Variants in FBRSL1 observed in about 807,000 individuals in gnomAD.
FBRSL1 encodes fibrosin-1-like protein.
FBRSL1 carries 51 observed loss-of-function variants against 89.6 expected under a neutral mutation model. That is an observed-to-expected ratio of 0.57 (90% CI 0.45 to 0.72). The LOEUF (loss-of-function observed/expected upper bound fraction) is 0.72. Ranked by LOEUF, FBRSL1 falls within the 30% of genes least tolerant of loss-of-function variation. The probability of loss-of-function intolerance (pLI) is 0.00; values close to 1 mark genes in which losing one functional copy is unlikely to be tolerated. For missense variants in FBRSL1, 1,618 were observed against 1,451.8 expected, an observed-to-expected ratio of 1.11 and a Z score of -1.86; for synonymous variants, 779 against 681.1, an observed-to-expected ratio of 1.14 and a Z score of -2.24.
intron 2 of FBRSL1, among the ~76,000 whole-genome samples, chr12:132,508,971 C>T (rs2034013007): frequency 6.6e-6 from 1 of 152,192 alleles, no homozygotes; most frequent in Non-Finnish European, 1.5e-5. Context: ...CCTGCAGCTG[C>T]TTCCTCCGCG....
chr12:132,547,922 G>A, intron 4 of FBRSL1, 81 bp from the exon 5 acceptor site: 3 of 1,494,918 alleles, frequency 2.0e-6, no homozygotes, highest in Non-Finnish European at 2.7e-6. Context: ...CCGTGCCCCT[G>A]CAGCCTGGCT....
rs1190902690 is a variant in FBRSL1, at chr12:132,583,508, C to T, written c.2739C>T (p.Ala913=). The change falls in exon 19 of 19, where the codon GCC becomes GCT. Residue 913 remains alanine (A), a synonymous_variant. Coordinates refer to ENST00000680143, the MANE Select transcript of FBRSL1 (RefSeq NM_001367871.1). The stretch of plus-strand genomic sequence containing the variant: ...CGCGGGCCCCGCACCTGCCGCCCGC[C>T]GCCCCCGCCTTGGACGGCGCGCTGC... ...ERARAPHLPP[A]APALDGALLP... 12 of 1,043,128 alleles carry T rather than the reference C, an allele frequency of 1.2e-5. No individual in the cohort carries two copies. Among genetic ancestry groups the T allele is most frequent in the South Asian group, 3.0e-5 (1 of 32,788 alleles). 64.6% of individuals were successfully genotyped at this position (1,043,128 alleles called of 1,614,324 possible). A position where few individuals can be genotyped will look rare whatever the true frequency, so the allele number is the denominator to read the frequency against.
chr12:132,564,856 G>C lies in FBRSL1; in HGVS notation c.646-2625G>C, dbSNP rs536386823. 4.4e-3 allele frequency among the ~76,000 whole-genome samples: 654 copies of C among 148,266 alleles called. 11 individuals carry two copies. The highest frequency in any genetic ancestry group is 0.014 in the African/African-American group (524 of 38,434). On this transcript the variant is annotated intron_variant, in intron 5 of 18. Coordinates refer to ENST00000680143, the MANE Select transcript of FBRSL1 (RefSeq NM_001367871.1). ...GTGTTGGCCAGGATGGTCTCGATCT[G>C]CTGACCTCGTGATCCGCCGGCCTCG...
At chr12:132,572,478 T>C (rs992590627) in intron 10 of FBRSL1, 49 bp from the exon 11 acceptor site, 96 of 1,498,262 alleles carry the variant, frequency 6.4e-5, no homozygotes, top group Non-Finnish European at 8.6e-5. Flanking sequence ...AGGCAGAGGG[T>C]GGGGTGAGGA....
chr12:132,492,820 G>A (rs1469806168), intron 1 of FBRSL1, among the ~76,000 whole-genome samples: 1 of 152,240 alleles, frequency 6.6e-6, no homozygotes, highest in Non-Finnish European at 1.5e-5. Flanking sequence ...GAGCCTGCCT[G>A]GGAAAGTACG....
intron 1 of FBRSL1, among the ~76,000 whole-genome samples, chr12:132,497,842 C>T (rs551725642): frequency 6.6e-6 from 1 of 152,316 alleles, no homozygotes; most frequent in East Asian, 1.9e-4. Flanking sequence ...GTAAGCAGCC[C>T]CCAGGTCCCT....
Position 132,583,158 on chromosome 12 carries a change from C to T in FBRSL1, c.2389C>T (p.Pro797Ser), listed in dbSNP as rs1389477582. 6.8e-7 allele frequency: 1 copy of T among 1,462,252 alleles called. No homozygotes were observed. The highest frequency in any genetic ancestry group is 1.3e-5 in the South Asian group (1 of 78,372). 90.6% of individuals were successfully genotyped at this position (1,462,252 alleles called of 1,614,324 possible). The change falls in exon 19 of 19, where the codon CCC becomes TCC. Residue 797 changes from proline (P) to serine (S), a missense_variant. Transcript: ENST00000680143. Reference sequence around the variant, plus strand: ...GGCCAAGGAGGAGGCCGCCAAGATGCCCGCGCGCGCATCCCCGCCCCACAG... The same window carrying T: ...GGCCAAGGAGGAGGCCGCCAAGATGTCCGCGCGCGCATCCCCGCCCCACAG... ...SPAKEEAAKMPARASPPHSKA... is the reference protein window; with the variant it reads ...SPAKEEAAKMSARASPPHSKA...
chr12:132,572,768 AGC>A, intron 11 of FBRSL1, 146 bp downstream of exon 11: 1 of 659,290 alleles, frequency 1.5e-6, no homozygotes, highest in Non-Finnish European at 2.6e-6. Context: ...TGGCGTGAGC[AGC>A]CCCTGCCAGG....
In FBRSL1 at chr12:132,490,390, G is replaced by C. The variant is rs2030635091; in HGVS notation, c.-181G>C. ...GGGGTCCCAGGCCGCGCCGGGCCCG[G>C]GGCTGAGCCGCCCCCCGCGCCCGGC... is the stretch of plus-strand genomic sequence containing the variant. On this transcript the variant is annotated 5_prime_UTR_variant, in exon 1 of 19. Coordinates refer to ENST00000680143, the MANE Select transcript of FBRSL1 (RefSeq NM_001367871.1). 1 of 224,804 alleles carries C rather than the reference G, an allele frequency of 4.4e-6. No homozygotes were observed. The highest frequency in any genetic ancestry group is 2.5e-5 in the African/African-American group (1 of 40,784). The allele number at this position is 224,804 out of a possible 1,614,324, so 13.9% of individuals were successfully genotyped here.
chr12:132,508,355 GCAGGTCC>G lies in FBRSL1; in HGVS notation c.489+7_489+13del, dbSNP rs776012484. On this transcript the variant is annotated splice_donor_region_variant and intron_variant, in intron 2 of 18. Coordinates refer to ENST00000680143, the MANE Select transcript of FBRSL1 (RefSeq NM_001367871.1). ...CCACTGCAGCCCTCCAAGCAGGTGA[GCAGGTCC>G]CTCCCCGACCGGAAGCTCTGCGGCG... 3.7e-5 allele frequency: 55 copies of G among 1,502,348 alleles called. No homozygotes were observed. Among genetic ancestry groups the G allele is most frequent in the Admixed American group, 1.1e-4 (5 of 45,392 alleles). 93.1% of individuals were successfully genotyped at this position (1,502,348 alleles called of 1,614,324 possible).
intron 1 of FBRSL1, 63 bp downstream of exon 1, chr12:132,490,924 C>T (rs1275579441): frequency 8.1e-6 from 9 of 1,108,584 alleles, no homozygotes; most frequent in Admixed American, 5.2e-5. Context: ...GTTGACGCGT[C>T]GGGCGATCCC....
rs1366059689 is a variant in FBRSL1, at chr12:132,583,678, G to C, written c.2909G>C (p.Gly970Ala). 12 of 1,132,456 alleles carry C rather than the reference G, an allele frequency of 1.1e-5. No homozygotes were observed. The African/African-American group carries it at 1.8e-4, about 17-fold the overall frequency. 70.2% of individuals were successfully genotyped at this position (1,132,456 alleles called of 1,614,324 possible). Residue 970 changes from glycine (G) to alanine (A), a missense_variant, in exon 19 of 19, where the codon GGG becomes GCG. Transcript: ENST00000680143. ...GCGGCCGGGCCCCCCACGCCCCCCG[G>C]GCCGCCGCGGAGCCGGACTACTCCG... ...VTAAGPPTPP[G>A]PPRSRTTPLG...
chr12:132,514,587 G>A (rs1187201017), intron 2 of FBRSL1, among the ~76,000 whole-genome samples: 1 of 152,156 alleles, frequency 6.6e-6, no homozygotes, highest in Non-Finnish European at 1.5e-5. Flanking sequence ...AAAGCTGTGG[G>A]GGGACTCCGA....
Position 132,494,371 on chromosome 12 carries a change from G to C in FBRSL1, c.291+3510G>C, listed in dbSNP as rs577304947. 4.6e-5 allele frequency among the ~76,000 whole-genome samples: 7 copies of C among 152,346 alleles called. No individual in the cohort carries two copies. The South Asian group carries it at 1.0e-3, about 23-fold the overall frequency. On this transcript the variant is annotated intron_variant, in intron 1 of 18. Transcript: ENST00000680143. Reference sequence around the variant, plus strand: ...GAGAGGTGTATCCAGGGCTGTGTCAGACCCCATCTTCCCACATAGCAAAGG... The same window carrying C: ...GAGAGGTGTATCCAGGGCTGTGTCACACCCCATCTTCCCACATAGCAAAGG...
intron 5 of FBRSL1, among the ~76,000 whole-genome samples, chr12:132,548,651 G>A (rs1282226857): frequency 2.0e-5 from 3 of 152,206 alleles, no homozygotes; most frequent in African/African-American, 4.8e-5. Context: ...GGGAGGAACC[G>A]TCACCTGCTG....
intron 2 of FBRSL1, chr12:132,511,937 A>G (rs1471922838): frequency 2.0e-6 from 2 of 984,220 alleles, no homozygotes; most frequent in East Asian, 1.1e-4. Flanking sequence ...GTGCCGTGCC[A>G]CTATTTTTTA....
Position 132,499,710 on chromosome 12 carries a change from G to A in FBRSL1, c.292-8443G>A, listed in dbSNP as rs1024995992. On this transcript the variant is annotated intron_variant, in intron 1 of 18. Transcript: ENST00000680143. The surrounding 1 kb of genome is among the most constrained non-coding windows in gnomAD (Gnocchi z 4.3). ...AGACAGCTGGGGGCTGTGGCTGGGGGGCTGCAGGGCTGGGGGGTGGGGCGC... is the reference window on the plus strand; with the variant it reads ...AGACAGCTGGGGGCTGTGGCTGGGGAGCTGCAGGGCTGGGGGGTGGGGCGC... Among the ~76,000 whole-genome samples the A allele has an allele frequency of 4.6e-5, 7 of 151,800 alleles. No homozygotes were observed. The highest frequency in any genetic ancestry group is 1.7e-4 in the African/African-American group (7 of 41,300).
chr12:132,509,051 C>T (rs2034025495), intron 2 of FBRSL1: 2 of 1,224,524 alleles, frequency 1.6e-6, no homozygotes, highest in East Asian at 3.2e-5. Flanking sequence ...TCCTCGGCCC[C>T]CTTGGGAATT....
At position 132,570,422 on chromosome 12, in the gene FBRSL1, G is replaced by C. The variant is rs1206141711; in HGVS notation, c.1095G>C (p.Leu365=). ...GCCCCCACCTGTCTACCTCACACCT[G>C]GCGCTCCGGTCCCAGGCGCAGCACC... ...GPGPHLSTSH[L]ALRSQAQHQL... Residue 365 remains leucine (L), a synonymous_variant, in exon 8 of 19, where the codon CTG becomes CTC. Transcript: ENST00000680143. 2.0e-6 allele frequency: 3 copies of C among 1,534,816 alleles called. No homozygotes were observed. The highest frequency in any genetic ancestry group is 2.6e-6 in the Non-Finnish European group (3 of 1,145,774).
Sources: gnomAD v4.1 joint callset for allele counts (sites outside exome capture counted in the v4.1 genomes callset) on GRCh38, gnomAD v4.1.1 for gene constraint, Gnocchi (gnomAD v3.1) non-coding constraint, MANE v1.5 for transcripts, NCBI Gene and HGNC (gene_info 2026-07-23, HGNC 2026-07-21) for gene names.